The following DNAJC3 variants were observed in gnomAD, a reference collection of about 807,000 sequenced individuals.
DNAJC3 encodes DnaJ heat shock protein family (Hsp40) member C3.
DNAJC3 carries 38 observed loss-of-function variants against 68.6 expected under a neutral mutation model. The ratio of observed to expected loss-of-function variants is 0.55; its 90% confidence interval spans 0.43 to 0.73. DNAJC3 has a LOEUF of 0.73. Among genes scored for constraint, DNAJC3 ranks in the 30% least tolerant of loss-of-function variants. The pLI, the probability that DNAJC3 is intolerant of heterozygous loss-of-function variation, is 0.00. For missense variants in DNAJC3, 526 were observed against 591.9 expected (o/e 0.89, Z 1.16); for synonymous variants, 203 against 204.0 (o/e 1.00, Z 0.04).
At chr13:95,755,756 C>CAAAAAAA (rs56659621) in intron 4 of DNAJC3, among the ~76,000 whole-genome samples, 5 of 15,076 alleles carry the variant, frequency 3.3e-4, no homozygotes, top group Non-Finnish European at 4.8e-4. Flanking sequence ...GACGCCGTCT[C>CAAAAAAA]AAAAAAAAAA....
intron 9 of DNAJC3, among the ~76,000 whole-genome samples, chr13:95,783,951 A>C (rs1883523132): frequency 6.6e-6 from 1 of 152,060 alleles, no homozygotes; most frequent in Non-Finnish European, 1.5e-5. Context: ...AAGAGGAGGG[A>C]GGGGCCAGGC....
intron 5 of DNAJC3, 115 bp from the exon 6 acceptor site, chr13:95,759,920 TCATCA>T: frequency 1.0e-6 from 1 of 993,724 alleles, no homozygotes; most frequent in Non-Finnish European, 1.4e-6. Context: ...ACTATATAAG[TCATCA>T]CATCAATTGA....
intron 2 of DNAJC3, among the ~76,000 whole-genome samples, chr13:95,722,592 GTGAGACTC>G (rs1881355830): frequency 6.7e-6 from 1 of 149,264 alleles, no homozygotes; most frequent in Non-Finnish European, 1.5e-5. Flanking sequence ...AGGCAACATG[GTGAGACTC>G]TCTACAAAAA....
chr13:95,690,904 G>A (rs1404560394), intron 1 of DNAJC3, among the ~76,000 whole-genome samples: 1 of 137,848 alleles, frequency 7.3e-6, no homozygotes, highest in Non-Finnish European at 1.6e-5. Flanking sequence ...CGGGGCGGCT[G>A]GCCGGGCGGG....
intron 2 of DNAJC3, among the ~76,000 whole-genome samples, chr13:95,720,065 A>G (rs1262775612): frequency 6.6e-6 from 1 of 152,144 alleles, no homozygotes; most frequent in Non-Finnish European, 1.5e-5. Flanking sequence ...TGTGGAACCC[A>G]TGGATACAGA....
intron 11 of DNAJC3, 32 bp downstream of exon 11, chr13:95,787,187 C>T: frequency 6.3e-7 from 1 of 1,595,556 alleles, no homozygotes; most frequent in Non-Finnish European, 8.5e-7. Context: ...TTGACTCATC[C>T]TAGAGGTGGT....
intron 9 of DNAJC3, among the ~76,000 whole-genome samples, chr13:95,764,373 C>G (rs60679063): frequency 2.3e-5 from 3 of 128,884 alleles, no homozygotes; most frequent in South Asian, 4.9e-4. Context: ...CTCTCTCTCT[C>G]TCTATATATA....
At chr13:95,736,695 G>T (rs1244858170) in intron 4 of DNAJC3, among the ~76,000 whole-genome samples, 6 of 149,742 alleles carry the variant, frequency 4.0e-5, no homozygotes, top group Non-Finnish European at 7.5e-5. Flanking sequence ...TGCTGAAGTT[G>T]CTTATCAGCT....
rs147122646 is a variant in DNAJC3 at position 95,789,370 on chromosome 13, C to A, written c.1358-1503C>A. Among the ~76,000 whole-genome samples the A allele has an allele frequency of 2.6e-5, 4 of 152,288 alleles. No homozygotes were observed. The East Asian group carries it at 7.7e-4, about 29-fold the overall frequency. On this transcript the variant is annotated intron_variant, in intron 11 of 11. Transcript: ENST00000602402. ...TCCCCTTTATGCATCCATGAGTTCT[C>A]ATCATTTAGCTCCCACTTGTGAGAA...
Position 95,772,220 on chromosome 13 carries a change from GT to G in DNAJC3, c.1075+8270del, listed in dbSNP as rs1487060381. On this transcript the variant is annotated intron_variant, in intron 9 of 11. Coordinates refer to ENST00000602402, the MANE Select transcript of DNAJC3 (RefSeq NM_006260.5). The stretch of plus-strand genomic sequence containing the variant: ...ATAAAAAAGCAGAAAAGCATTCAGT[GT>G]TTCGCCAATAATCCTATCCTTGATG... Among the ~76,000 whole-genome samples, 8 of 152,260 alleles carry G rather than the reference GT, an allele frequency of 5.3e-5. No individual in the cohort carries two copies. The East Asian group carries it at 1.5e-3, about 29-fold the overall frequency.
At chr13:95,762,380 T>C (rs1882852300) in intron 7 of DNAJC3, among the ~76,000 whole-genome samples, 2 of 152,128 alleles carry the variant, frequency 1.3e-5, no homozygotes, top group Admixed American at 1.3e-4. Flanking sequence ...TCTGCATTGC[T>C]GGAATCTTCA....
At chr13:95,757,510 C>T in intron 4 of DNAJC3, 134 bp from the exon 5 acceptor site, 1 of 896,762 alleles carries the variant, frequency 1.1e-6, no homozygotes, top group Non-Finnish European at 1.5e-6. Flanking sequence ...ATCAGACAAG[C>T]CAGTTTTTCC....
At chr13:95,681,051 G>T (rs1259008375) in intron 1 of DNAJC3, among the ~76,000 whole-genome samples, 2 of 152,194 alleles carry the variant, frequency 1.3e-5, no homozygotes, top group African/African-American at 4.8e-5. Flanking sequence ...ACGTAGCATA[G>T]AACTCATGGC....
chr13:95,677,947 TTG>T (rs1879807210), intron 1 of DNAJC3, among the ~76,000 whole-genome samples: 2 of 152,146 alleles, frequency 1.3e-5, no homozygotes, highest in South Asian at 4.1e-4. Flanking sequence ...GGCACTGAGT[TTG>T]TGGTTTTACA....
rs1240835514 is a variant in DNAJC3, at chr13:95,792,619, C to G, written c.*1589C>G. ...ACAAAAATCACATAGTTGAATTGAG[C>G]AGAACACTTAAGTGCTTTCTGCATC... is the stretch of plus-strand genomic sequence containing the variant. On this transcript the variant is annotated 3_prime_UTR_variant, in exon 12 of 12. Coordinates refer to ENST00000602402, the MANE Select transcript of DNAJC3 (RefSeq NM_006260.5). The G allele has an allele frequency of 1.3e-5, 2 of 152,286 alleles. No homozygotes were observed. The highest frequency in any genetic ancestry group is 2.4e-5 in the African/African-American group (1 of 41,570). 9.4% of individuals were successfully genotyped at this position (152,286 alleles called of 1,614,324 possible).
At chr13:95,765,264 C>T (rs1469847683) in intron 9 of DNAJC3, among the ~76,000 whole-genome samples, 2 of 152,062 alleles carry the variant, frequency 1.3e-5, no homozygotes, top group South Asian at 2.1e-4. Context: ...CGTGTCTACT[C>T]GGTGAGATGG....
At chr13:95,759,886 A>G in intron 5 of DNAJC3, among the ~76,000 whole-genome samples, 154 bp from the exon 6 acceptor site, 1 of 152,368 alleles carries the variant, frequency 6.6e-6, no homozygotes, top group East Asian at 1.9e-4. Context: ...TTTAAATTGT[A>G]TCAGATTTTA....
intron 2 of DNAJC3, among the ~76,000 whole-genome samples, chr13:95,709,684 G>C (rs1880888979): frequency 7.0e-6 from 1 of 142,364 alleles, no homozygotes; most frequent in African/African-American, 2.7e-5. Context: ...CTGTCGCCCA[G>C]GCTGGAGTGC....
intron 9 of DNAJC3, among the ~76,000 whole-genome samples, chr13:95,765,229 C>T (rs1204345920): frequency 6.6e-6 from 1 of 152,232 alleles, no homozygotes; most frequent in East Asian, 1.9e-4. Context: ...CTTTAGCATA[C>T]TCGTTTTCTT....
Sources: gnomAD v4.1 joint callset for allele counts (sites outside exome capture counted in the v4.1 genomes callset) on GRCh38, gnomAD v4.1.1 for gene constraint, MANE v1.5 for transcripts, NCBI Gene and HGNC (gene_info 2026-07-23, HGNC 2026-07-21) for gene names.